The following OMA1 variants were observed in gnomAD, a reference collection of about 807,000 sequenced individuals.
OMA1 encodes OMA1 zinc metallopeptidase.
In OMA1, 38 loss-of-function variants were observed where a neutral mutation model predicts 30.9. The observed-to-expected ratio is 1.23, with a 90% CI of 0.95 to 1.61. The LOEUF (loss-of-function observed/expected upper bound fraction) is 1.61. OMA1 is among the 40% of genes most tolerant of loss of function. The pLI, the probability that OMA1 is intolerant of heterozygous loss-of-function variation, is 0.00. For missense variants in OMA1, 461 were observed against 349.2 expected (o/e 1.32, Z -2.55); for synonymous variants, 173 against 121.9 (o/e 1.42, Z -2.76).
chr1:58,530,549 A>T, intron 6 of OMA1, 52 bp downstream of exon 6: 1 of 815,944 alleles, frequency 1.2e-6, no homozygotes, highest in Non-Finnish European at 2.1e-6. Context: ...AGTAGTATTA[A>T]AATATCTTCA....
intron 8 of OMA1, among the ~76,000 whole-genome samples, chr1:58,492,277 A>T (rs1385895406): frequency 2.6e-5 from 4 of 152,218 alleles, no homozygotes; most frequent in African/African-American, 9.7e-5. Context: ...GTGTAGAGGG[A>T]AATTTATAGC....
intron 7 of OMA1, among the ~76,000 whole-genome samples, chr1:58,507,036 C>G (rs971580720): frequency 1.3e-5 from 2 of 152,012 alleles, no homozygotes; most frequent in Admixed American, 6.5e-5. Flanking sequence ...GTTAACTACC[C>G]TAAGAATGTA....
intron 8 of OMA1, among the ~76,000 whole-genome samples, chr1:58,499,026 A>G (rs1025411566): frequency 2.6e-5 from 4 of 152,158 alleles, no homozygotes; most frequent in African/African-American, 9.7e-5. Flanking sequence ...CTATAAAAAC[A>G]TTTTATAATC....
rs142577158 is a variant in OMA1, at chr1:58,483,299, T to C, written c.1366-2125A>G. On this transcript the variant is annotated intron_variant, in intron 8 of 8. Coordinates refer to ENST00000371226, the MANE Select transcript of OMA1 (RefSeq NM_145243.5). ...AGGAATTCCATTATTCCAGATACCC[T>C]GAGTGGGGTATGGTAGGGGCACAGG... is the stretch of plus-strand genomic sequence containing the variant. Among the ~76,000 whole-genome samples, 1,013 of 152,212 alleles carry C rather than the reference T, an allele frequency of 6.7e-3. 2 individuals carry two copies. Among genetic ancestry groups the C allele is most frequent in the South Asian group, 0.021 (99 of 4,818 alleles).
At chr1:58,543,261 T>G (rs1047913293) in intron 1 of OMA1, among the ~76,000 whole-genome samples, 11 of 152,348 alleles carry the variant, frequency 7.2e-5, no homozygotes, top group African/African-American at 2.6e-4. Context: ...TTTGTTTTTG[T>G]AAATTGACAG....
chr1:58,526,904 T>C (rs1646360193), intron 7 of OMA1, among the ~76,000 whole-genome samples: 2 of 152,126 alleles, frequency 1.3e-5, no homozygotes, highest in African/African-American at 4.8e-5. Flanking sequence ...CATAACCAAA[T>C]GTTTTAAAAT....
intron 8 of OMA1, among the ~76,000 whole-genome samples, chr1:58,505,559 T>TCA (rs1013583342): frequency 1.3e-5 from 2 of 152,070 alleles, no homozygotes; most frequent in African/African-American, 4.8e-5. Context: ...AGCAAATGCT[T>TCA]CACTCTTATC....
At chr1:58,504,786 T>C (rs930166769) in intron 8 of OMA1, among the ~76,000 whole-genome samples, 1 of 152,230 alleles carries the variant, frequency 6.6e-6, no homozygotes, top group Non-Finnish European at 1.5e-5. Context: ...ATTTTTCTTA[T>C]GATAAATCAT....
At chr1:58,528,182 C>T (rs1646380947) in intron 6 of OMA1, among the ~76,000 whole-genome samples, 2 of 152,232 alleles carry the variant, frequency 1.3e-5, no homozygotes, top group Non-Finnish European at 2.9e-5. Flanking sequence ...ATAATGCCTT[C>T]ACTCCCCATG....
At chr1:58,487,311 G>A (rs1049867093) in intron 8 of OMA1, among the ~76,000 whole-genome samples, 3 of 152,174 alleles carry the variant, frequency 2.0e-5, no homozygotes, top group Non-Finnish European at 2.9e-5. Flanking sequence ...TGTTTTAATA[G>A]CTTTTCTTTT....
intron 7 of OMA1, among the ~76,000 whole-genome samples, chr1:58,513,289 T>C (rs946770654): frequency 2.6e-5 from 4 of 152,202 alleles, no homozygotes; most frequent in African/African-American, 9.6e-5. Context: ...ACCATGATTA[T>C]AAGTTTCCTG....
Position 58,534,249 on chromosome 1 carries a change from A to G in OMA1, c.812T>C (p.Ile271Thr). ...LAVKEVLCHL[I>T]ECNKDVPGIS... ...CCCTGGAACATCTTTATTGCATTCA[A>G]TTAGATGACAAAGCACTTCTTTAAC... Residue 271 changes from isoleucine to threonine, a missense_variant, in exon 4 of 9, where the codon ATT becomes ACT. By Grantham distance (89) the Ile-to-Thr change is moderately conservative (BLOSUM62 -1). Transcript: ENST00000371226. 1 of 871,880 alleles carries G rather than the reference A, an allele frequency of 1.1e-6. No individual in the cohort carries two copies. The highest frequency in any genetic ancestry group is 2.0e-6 in the Non-Finnish European group (1 of 501,484). The allele number at this position is 871,880 out of a possible 1,614,324, so 54.0% of individuals were successfully genotyped here.
At position 58,492,639 on chromosome 1, in the gene OMA1, T is replaced by C. The variant is rs1645718280; in HGVS notation, c.1366-11465A>G. On this transcript the variant is annotated intron_variant, in intron 8 of 8. Coordinates refer to ENST00000371226, the MANE Select transcript of OMA1 (RefSeq NM_145243.5). ...ACCATCAGAGAATACTATAAACACC[T>C]CTACACAAATAAACTAGAAAATCTG... 2.0e-5 allele frequency among the ~76,000 whole-genome samples: 3 copies of C among 152,106 alleles called. No homozygotes were observed. The South Asian group carries it at 6.2e-4, about 32-fold the overall frequency.
chr1:58,537,129 T>C (rs944182007), intron 2 of OMA1, among the ~76,000 whole-genome samples: 3 of 151,846 alleles, frequency 2.0e-5, no homozygotes, highest in Admixed American at 2.0e-4. Context: ...ATAATAACCC[T>C]GTTACAGAAG....
In OMA1 at chr1:58,506,155, C is replaced by T; in HGVS notation, c.1270G>A (p.Asp424Asn). Residue 424 changes from aspartate to asparagine, a missense_variant, in exon 8 of 9, where the codon GAT becomes AAT. By Grantham distance (23) the Asp-to-Asn change is conservative (BLOSUM62 1). Transcript: ENST00000371226. ...SVFWQQMEFV[D>N]SLHGQPKMPE... is the part of the protein sequence containing the mutation. ...ATCTTGGGTTGGCCATGCAGGCTAT[C>T]AACGAACTCCATTTGCTGCCAAAAC... is the stretch of plus-strand genomic sequence containing the variant. 1.1e-6 allele frequency: 1 copy of T among 872,342 alleles called. No individual in the cohort carries two copies. Among genetic ancestry groups the T allele is most frequent in the South Asian group, 1.3e-5 (1 of 76,492 alleles). The allele number at this position is 872,342 out of a possible 1,614,324, so 54.0% of individuals were successfully genotyped here.
intron 7 of OMA1, among the ~76,000 whole-genome samples, chr1:58,526,237 A>G (rs1403595579): frequency 6.6e-6 from 1 of 152,104 alleles, no homozygotes; most frequent in Non-Finnish European, 1.5e-5. Flanking sequence ...ACGCAGTCTG[A>G]TAATTCACTT....
intron 2 of OMA1, among the ~76,000 whole-genome samples, chr1:58,538,539 G>T (rs1455114911): frequency 6.6e-6 from 1 of 151,996 alleles, no homozygotes; most frequent in Non-Finnish European, 1.5e-5. Context: ...TTTTTAAAGA[G>T]ATATTTCTAT....
chr1:58,510,247 C>T (rs1470095487), intron 7 of OMA1, among the ~76,000 whole-genome samples: 1 of 151,942 alleles, frequency 6.6e-6, no homozygotes, highest in East Asian at 1.9e-4. Flanking sequence ...TACTAGCAAG[C>T]CAAATTCAAG....
intron 1 of OMA1, among the ~76,000 whole-genome samples, chr1:58,544,078 GCAAA>G (rs1646664452): frequency 6.6e-6 from 1 of 152,184 alleles, no homozygotes; most frequent in Non-Finnish European, 1.5e-5. Context: ...TAAAGGAGGT[GCAAA>G]CAGTTATGAT....
Sources: gnomAD v4.1 joint callset for allele counts (sites outside exome capture counted in the v4.1 genomes callset) on GRCh38, gnomAD v4.1.1 for gene constraint, MANE v1.5 for transcripts, NCBI Gene and HGNC (gene_info 2026-07-23, HGNC 2026-07-21) for gene names.